Variants in CA10 observed in about 807,000 individuals in gnomAD.
The protein encoded by CA10 is carbonic anhydrase 10 (inactive).
A neutral mutation model predicts 44.2 loss-of-function variants in CA10; 14 were observed. The observed-to-expected ratio is 0.32, with a 90% confidence interval of 0.21 to 0.50. The LOEUF (loss-of-function observed/expected upper bound fraction) is 0.50, where lower values mean the gene tolerates loss of function less well. CA10 is among the 20% of genes least tolerant of loss of function. The pLI is 0.99. For missense variants in CA10, 350 were observed against 409.7 expected (o/e 0.85, Z 1.26); for synonymous variants, 159 against 141.6 (o/e 1.12, Z -0.87).
intron 4 of CA10, among the ~76,000 whole-genome samples, chr17:51,724,908 T>C (rs16950435): frequency 0.011 from 1,669 of 152,332 alleles, 40 homozygotes; most frequent in African/African-American, 0.038. Flanking sequence ...GGCATAGTAA[T>C]AGCTAATGTA....
chr17:51,660,592 G>A (rs1485639565), intron 4 of CA10, among the ~76,000 whole-genome samples: 1 of 152,196 alleles, frequency 6.6e-6, no homozygotes, highest in Non-Finnish European at 1.5e-5. Context: ...CATGCCTCAG[G>A]AGGGCAACAG....
At chr17:51,679,184 T>TGCAGATTCTGATTCATTATGTCTGGG (rs1305139782) in intron 4 of CA10, among the ~76,000 whole-genome samples, 14 of 152,106 alleles carry the variant, frequency 9.2e-5, no homozygotes, top group Admixed American at 5.2e-4. Context: ...CTTGTTAAAA[T>TGCAGATTCTGATTCATTATGTCTGGG]GCAGATTCTG....
chr17:51,779,968 A>C (rs1206009225), intron 3 of CA10, among the ~76,000 whole-genome samples: 2 of 152,152 alleles, frequency 1.3e-5, no homozygotes, highest in East Asian at 3.9e-4. Flanking sequence ...CAGAGGCTAT[A>C]TCTCTCCCTG....
At chr17:51,968,828 G>A (rs776541568) in intron 2 of CA10, among the ~76,000 whole-genome samples, 2 of 151,932 alleles carry the variant, frequency 1.3e-5, no homozygotes, top group African/African-American at 2.4e-5. Context: ...TCACCAAGTA[G>A]TTTTAGGAAA....
intron 3 of CA10, among the ~76,000 whole-genome samples, chr17:51,833,564 T>C (rs896999209): frequency 3.3e-5 from 5 of 152,230 alleles, no homozygotes; most frequent in Non-Finnish European, 5.9e-5. Context: ...TAATTTTCAA[T>C]GCTACCTTTA....
chr17:52,081,566 C>T (rs1026329242), intron 1 of CA10, among the ~76,000 whole-genome samples: 28 of 151,798 alleles, frequency 1.8e-4, no homozygotes, highest in African/African-American at 6.5e-4. Flanking sequence ...TTTGGGAGGC[C>T]GAGGCGGGCG....
At chr17:51,976,710 CAAATT>C (rs1984476868) in intron 2 of CA10, among the ~76,000 whole-genome samples, 1 of 149,854 alleles carries the variant, frequency 6.7e-6, no homozygotes, top group Non-Finnish European at 1.5e-5. Flanking sequence ...AAATAAAAAA[CAAATT>C]AAATTGAAAG....
At chr17:52,075,255 TAGA>T (rs1161347785) in intron 1 of CA10, among the ~76,000 whole-genome samples, 3 of 152,192 alleles carry the variant, frequency 2.0e-5, no homozygotes, top group African/African-American at 7.2e-5. Flanking sequence ...CATGGTGCAC[TAGA>T]AGAAGATAAA....
intron 3 of CA10, among the ~76,000 whole-genome samples, chr17:51,758,298 T>A (rs1465794482): frequency 3.3e-5 from 5 of 152,214 alleles, no homozygotes; most frequent in Non-Finnish European, 1.5e-5. Context: ...CTTCAAATAA[T>A]ACATGATTTA....
intron 3 of CA10, among the ~76,000 whole-genome samples, chr17:51,903,478 T>C (rs1483086408): frequency 2.0e-5 from 3 of 152,140 alleles, no homozygotes; most frequent in East Asian, 1.9e-4. Context: ...CTGTTCCTCT[T>C]TGCCCAATGA....
chr17:51,892,487 C>T (rs1980901521), intron 3 of CA10, among the ~76,000 whole-genome samples: 1 of 152,160 alleles, frequency 6.6e-6, no homozygotes, highest in Admixed American at 6.5e-5. Flanking sequence ...ATTTCTCTTG[C>T]CAATGGTGTG....
chr17:51,657,520 T>G (rs958291261), intron 4 of CA10, among the ~76,000 whole-genome samples: 2 of 152,140 alleles, frequency 1.3e-5, no homozygotes, highest in Admixed American at 6.5e-5. Context: ...TACCATGACT[T>G]TGGGCTTGGG....
intron 4 of CA10, among the ~76,000 whole-genome samples, chr17:51,726,587 A>T (rs931242768): frequency 6.6e-6 from 1 of 152,220 alleles, no homozygotes; most frequent in Non-Finnish European, 1.5e-5. Flanking sequence ...GAAAATTTTT[A>T]AAATATATAT....
At chr17:51,724,814 C>T (rs1169556602) in intron 4 of CA10, among the ~76,000 whole-genome samples, 1 of 152,144 alleles carries the variant, frequency 6.6e-6, no homozygotes, top group Non-Finnish European at 1.5e-5. Context: ...ATGCAATTCC[C>T]CTCTTAAATA....
At chr17:52,045,760 A>C (rs1436105770) in intron 2 of CA10, among the ~76,000 whole-genome samples, 1 of 151,980 alleles carries the variant, frequency 6.6e-6, no homozygotes, top group East Asian at 1.9e-4. Context: ...TGGAACCTAA[A>C]CGACATGTAT....
At chr17:51,695,691 C>CTATTCAACA (rs1915380129) in intron 4 of CA10, among the ~76,000 whole-genome samples, 2 of 152,130 alleles carry the variant, frequency 1.3e-5, no homozygotes, top group South Asian at 4.2e-4. Context: ...GCAAGGACTT[C>CTATTCAACA]CAGTACTGTG....
chr17:52,064,193 T>C (rs1333829612), intron 2 of CA10, among the ~76,000 whole-genome samples: 2 of 152,162 alleles, frequency 1.3e-5, no homozygotes, highest in Admixed American at 6.5e-5. Context: ...TACAACTGCA[T>C]GGAATTGAAT....
chr17:52,086,645 A>G (rs1271499088), intron 1 of CA10, among the ~76,000 whole-genome samples: 1 of 152,210 alleles, frequency 6.6e-6, no homozygotes, highest in African/African-American at 2.4e-5. Context: ...ACACACAATG[A>G]CACTGAAGAG....
At chr17:51,797,487 C>A (rs937842367) in intron 3 of CA10, among the ~76,000 whole-genome samples, 13 of 152,122 alleles carry the variant, frequency 8.5e-5, no homozygotes, top group African/African-American at 2.9e-4. Flanking sequence ...TTAGAAATCA[C>A]AGACTCCCAG....
Sources: allele counts gnomAD v4.1 joint callset (sites outside exome capture counted in the v4.1 genomes callset), GRCh38; gene constraint gnomAD v4.1.1; transcripts MANE v1.5; gene names NCBI Gene and HGNC (gene_info 2026-07-23, HGNC 2026-07-21).